The following MEF2C variants were observed in gnomAD, a reference collection of about 807,000 sequenced individuals.
The protein encoded by MEF2C is myocyte-specific enhancer factor 2C.
MEF2C carries 6 observed loss-of-function variants against 50.5 expected under a neutral mutation model. That is an observed-to-expected ratio of 0.12 (90% CI 0.07 to 0.23). The LOEUF is 0.23. MEF2C is among the 10% of genes least tolerant of loss of function. MEF2C has a pLI of 1.00. For synonymous variants in MEF2C, 183 were observed against 228.0 expected (o/e 0.80, Z 1.78); for missense variants, 276 against 605.0 (o/e 0.46, Z 5.70).
intron 2 of MEF2C, among the ~76,000 whole-genome samples, chr5:88,809,839 C>T (rs1014534892): frequency 8.5e-5 from 13 of 152,246 alleles, no homozygotes; most frequent in Non-Finnish European, 1.3e-4. Flanking sequence ...GCACCCATCA[C>T]GCTGTAAGGG....
chr5:88,825,500 A>C, intron 1 of MEF2C: 2 of 984,144 alleles, frequency 2.0e-6, no homozygotes, highest in Non-Finnish European at 2.4e-6. Context: ...TAAATGTTGG[A>C]GGTGGTTCAA....
At chr5:88,830,913 T>C (rs1419371712) in intron 1 of MEF2C, among the ~76,000 whole-genome samples, 1 of 152,100 alleles carries the variant, frequency 6.6e-6, no homozygotes, top group Non-Finnish European at 1.5e-5. Context: ...TTGTTGCTGT[T>C]ATTGAACAAA....
chr5:88,757,339 T>TC (rs1291268485), intron 4 of MEF2C, among the ~76,000 whole-genome samples: 1 of 151,966 alleles, frequency 6.6e-6, no homozygotes, highest in African/African-American at 2.4e-5. Context: ...AACTGAATCT[T>TC]CCCCCCACCC....
chr5:88,752,115 C>G (rs965626585), intron 4 of MEF2C, 72 bp from the exon 5 acceptor site: 1 of 1,354,464 alleles, frequency 7.4e-7, no homozygotes, highest in Non-Finnish European at 9.8e-7. Flanking sequence ...GACAGACAGC[C>G]CTTATTTTTC....
intron 1 of MEF2C, chr5:88,889,405 T>C: frequency 6.6e-6 from 1 of 151,766 alleles, no homozygotes; most frequent in Non-Finnish European, 1.5e-5. Flanking sequence ...CCCCCTTTTC[T>C]CCCGGCCGAC....
intron 3 of MEF2C, among the ~76,000 whole-genome samples, chr5:88,785,104 C>T (rs936205585): frequency 1.3e-5 from 2 of 152,056 alleles, no homozygotes; most frequent in Non-Finnish European, 2.9e-5. Flanking sequence ...TCTTTTGTCT[C>T]AAGAGTCTTA....
rs565984170 is a variant in MEF2C, at chr5:88,724,528, T to C, written c.1101-1603A>G. Reference sequence around the variant, plus strand: ...TCTTTCTCTAGCTTTTATGATCTTATATAATCAAAGCAGTGTTAGCATTTA... The same window carrying C: ...TCTTTCTCTAGCTTTTATGATCTTACATAATCAAAGCAGTGTTAGCATTTA... On this transcript the variant is annotated intron_variant, in intron 10 of 10. Transcript: ENST00000504921. 3.8e-4 allele frequency among the ~76,000 whole-genome samples: 58 copies of C among 152,274 alleles called. 3 individuals carry two copies. The South Asian group carries it at 0.012, about 31-fold the overall frequency.
At chr5:88,737,667 G>C in intron 6 of MEF2C, 1 of 985,382 alleles carries the variant, frequency 1.0e-6, no homozygotes, top group Non-Finnish European at 1.2e-6. Context: ...TTCAGAGAGA[G>C]GCTTTGCGGA....
rs773241904 is a variant in MEF2C, at chr5:88,722,592, G to C, written c.*12C>G. ...GCAAGAAAAAAAAAAAAACTAGTAAGTAATAATCTGATCATGTTGCCCATC... is the reference window on the plus strand; with the variant it reads ...GCAAGAAAAAAAAAAAAACTAGTAACTAATAATCTGATCATGTTGCCCATC... On this transcript the variant is annotated 3_prime_UTR_variant, in exon 11 of 11. Coordinates refer to ENST00000504921, the MANE Select transcript of MEF2C (RefSeq NM_002397.5). 6.2e-7 allele frequency: 1 copy of C among 1,601,408 alleles called. No individual in the cohort carries two copies. The highest frequency in any genetic ancestry group is 8.5e-7 in the Non-Finnish European group (1 of 1,172,976).
At chr5:88,799,803 AATCTCTC>A (rs1797509014) in intron 3 of MEF2C, among the ~76,000 whole-genome samples, 1 of 151,864 alleles carries the variant, frequency 6.6e-6, no homozygotes, top group African/African-American at 2.4e-5. Flanking sequence ...AGGTAAATAT[AATCTCTC>A]ATCTCTCATC....
At chr5:88,797,090 T>C (rs1164990267) in intron 3 of MEF2C, among the ~76,000 whole-genome samples, 1 of 151,418 alleles carries the variant, frequency 6.6e-6, no homozygotes, top group Non-Finnish European at 1.5e-5. Context: ...AGAAGAATGC[T>C]GAAGTCCAAC....
At chr5:88,873,591 C>A (rs985404281) in intron 1 of MEF2C, among the ~76,000 whole-genome samples, 34 of 151,764 alleles carry the variant, frequency 2.2e-4, no homozygotes, top group African/African-American at 7.2e-4. Flanking sequence ...CAAGCAAGAT[C>A]AAACAGTCTT....
At chr5:88,854,202 T>C (rs1822417787) in intron 1 of MEF2C, among the ~76,000 whole-genome samples, 3 of 152,326 alleles carry the variant, frequency 2.0e-5, no homozygotes, top group Admixed American at 2.0e-4. Flanking sequence ...GAAATATGTA[T>C]TAGGATACAA....
intron 3 of MEF2C, chr5:88,766,587 T>C (rs1224850312): frequency 2.1e-6 from 2 of 958,178 alleles, no homozygotes; most frequent in Non-Finnish European, 1.2e-6. Flanking sequence ...TTTCTTTACA[T>C]GTCTGCAGTC....
At chr5:88,725,767 A>G (rs1230866906) in intron 10 of MEF2C, among the ~76,000 whole-genome samples, 1 of 152,144 alleles carries the variant, frequency 6.6e-6, no homozygotes, top group Non-Finnish European at 1.5e-5. Flanking sequence ...CTATCAAACT[A>G]TATTTAACCT....
chr5:88,787,302 T>G (rs987991789), intron 3 of MEF2C, among the ~76,000 whole-genome samples: 1 of 152,244 alleles, frequency 6.6e-6, no homozygotes, highest in Non-Finnish European at 1.5e-5. Flanking sequence ...GGTTAGCATT[T>G]TTTCTTCTCT....
chr5:88,857,941 A>G (rs1246287430), intron 1 of MEF2C, among the ~76,000 whole-genome samples: 1 of 152,236 alleles, frequency 6.6e-6, no homozygotes, highest in Non-Finnish European at 1.5e-5. Flanking sequence ...AGTCTAGAGG[A>G]CGCAGAGAAA....
intron 4 of MEF2C, among the ~76,000 whole-genome samples, chr5:88,754,647 G>A (rs1774425343): frequency 6.6e-6 from 1 of 152,130 alleles, no homozygotes; most frequent in Non-Finnish European, 1.5e-5. Flanking sequence ...CTCAAGCAGT[G>A]CCATCTCTTG....
At chr5:88,814,532 G>A (rs1218393686) in intron 2 of MEF2C, among the ~76,000 whole-genome samples, 1 of 151,834 alleles carries the variant, frequency 6.6e-6, no homozygotes, top group Non-Finnish European at 1.5e-5. Flanking sequence ...TTGAGCCTCC[G>A]TTTCGCTGAA....
Sources: gnomAD v4.1 joint callset for allele counts (sites outside exome capture counted in the v4.1 genomes callset) on GRCh38, gnomAD v4.1.1 for gene constraint, MANE v1.5 for transcripts, NCBI Gene and HGNC (gene_info 2026-07-23, HGNC 2026-07-21) for gene names.